ROBO1: variants seen among roughly 807,000 people sequenced by gnomAD.
ROBO1 encodes roundabout guidance receptor 1.
ROBO1 carries 149 observed loss-of-function variants against 195.9 expected under a neutral mutation model. That is an observed-to-expected ratio of 0.76 (90% CI 0.67 to 0.87). The LOEUF (loss-of-function observed/expected upper bound fraction) is 0.87, where lower values mean the gene tolerates loss of function less well. ROBO1 is among the 40% of genes least tolerant of loss of function. The pLI, the probability that ROBO1 is intolerant of heterozygous loss-of-function variation, is 0.00. For synonymous variants in ROBO1, 816 were observed against 733.2 expected, an observed-to-expected ratio of 1.11 and a Z score of -1.82; for missense variants, 1,933 against 2,068.3, an observed-to-expected ratio of 0.93 and a Z score of 1.27.
chr3:78,682,195 A>G (rs1289246472), intron 10 of ROBO1, among the ~76,000 whole-genome samples: 1 of 152,050 alleles, frequency 6.6e-6, no homozygotes, highest in Non-Finnish European at 1.5e-5. Context: ...CATTACTGCC[A>G]GTTCTGCTCA....
chr3:78,905,834 C>G (rs1336285400), intron 4 of ROBO1, among the ~76,000 whole-genome samples: 1 of 151,996 alleles, frequency 6.6e-6, no homozygotes, highest in Admixed American at 6.6e-5. Context: ...AGAGATGAAG[C>G]CTCAGTGAAG....
intron 1 of ROBO1, among the ~76,000 whole-genome samples, chr3:79,595,610 C>T (rs1370218901): frequency 6.6e-6 from 1 of 151,914 alleles, no homozygotes; most frequent in Non-Finnish European, 1.5e-5. Flanking sequence ...CAAACTATTG[C>T]AACCTTTAAC....
At chr3:79,676,668 T>C (rs1946793675) in intron 1 of ROBO1, among the ~76,000 whole-genome samples, 1 of 152,066 alleles carries the variant, frequency 6.6e-6, no homozygotes, top group Non-Finnish European at 1.5e-5. Context: ...AGAAAGTCTC[T>C]AGACAACAAG....
At chr3:79,283,290 T>C (rs1390623432) in intron 2 of ROBO1, among the ~76,000 whole-genome samples, 1 of 152,190 alleles carries the variant, frequency 6.6e-6, no homozygotes, top group Non-Finnish European at 1.5e-5. Context: ...ACCTGGGTGA[T>C]GGGATCAGTC....
At chr3:79,236,453 TA>T (rs1394824823) in intron 2 of ROBO1, among the ~76,000 whole-genome samples, 1 of 152,202 alleles carries the variant, frequency 6.6e-6, no homozygotes, top group Non-Finnish European at 1.5e-5. Context: ...CTCACTCTCA[TA>T]TATCATATAT....
chr3:79,153,673 A>T (rs993291787), intron 2 of ROBO1, among the ~76,000 whole-genome samples: 1 of 149,714 alleles, frequency 6.7e-6, no homozygotes, highest in African/African-American at 2.4e-5. Flanking sequence ...CGTCTGCTTA[A>T]TAGTACTGTG....
intron 4 of ROBO1, among the ~76,000 whole-genome samples, chr3:78,857,564 C>G (rs889634768): frequency 6.6e-6 from 1 of 152,106 alleles, no homozygotes. Flanking sequence ...GTGTTTTTCC[C>G]AGACCAGCAG....
chr3:79,023,762 G>A (rs886641568), intron 3 of ROBO1, among the ~76,000 whole-genome samples: 2 of 139,448 alleles, frequency 1.4e-5, no homozygotes, highest in Non-Finnish European at 3.0e-5. Context: ...GAGTGCAGTG[G>A]TGCGATCTCG....
intron 4 of ROBO1, among the ~76,000 whole-genome samples, chr3:78,898,314 C>T (rs568330434): frequency 4.7e-5 from 7 of 148,484 alleles, no homozygotes; most frequent in Non-Finnish European, 7.4e-5. Flanking sequence ...TACACAAGTC[C>T]TCTATGGACT....
intron 2 of ROBO1, among the ~76,000 whole-genome samples, chr3:79,265,862 G>A (rs112436699): frequency 2.1e-4 from 32 of 150,784 alleles, no homozygotes; most frequent in African/African-American, 7.5e-4. Flanking sequence ...ACTGTTATAC[G>A]ACCCAATGGT....
chr3:78,615,755 T>C (rs927678353), intron 27 of ROBO1, among the ~76,000 whole-genome samples: 2 of 152,188 alleles, frequency 1.3e-5, no homozygotes, highest in African/African-American at 4.8e-5. Flanking sequence ...AAGCCACATA[T>C]AGTGCAATCA....
chr3:79,553,514 T>C (rs1289181850), intron 2 of ROBO1, among the ~76,000 whole-genome samples: 2 of 152,062 alleles, frequency 1.3e-5, no homozygotes, highest in East Asian at 1.9e-4. Flanking sequence ...CTTCCAGGAA[T>C]ATGGAACACA....
intron 2 of ROBO1, among the ~76,000 whole-genome samples, chr3:79,503,680 A>G (rs1399628081): frequency 6.6e-6 from 1 of 152,200 alleles, no homozygotes; most frequent in Non-Finnish European, 1.5e-5. Context: ...AGCAACTCCC[A>G]AAGTCTGTTT....
At chr3:79,767,264 G>A (rs745844224) in intron 1 of ROBO1, among the ~76,000 whole-genome samples, 98 of 152,004 alleles carry the variant, frequency 6.4e-4, no homozygotes, top group Non-Finnish European at 1.2e-3. Flanking sequence ...TGCGGTCAGC[G>A]GCACTGAGAT....
chr3:78,838,222 A>G (rs1268124954), intron 4 of ROBO1, among the ~76,000 whole-genome samples: 1 of 152,200 alleles, frequency 6.6e-6, no homozygotes, highest in Non-Finnish European at 1.5e-5. Flanking sequence ...AATGGTCATT[A>G]TAAAAGAAAC....
intron 2 of ROBO1, among the ~76,000 whole-genome samples, chr3:79,357,959 T>C (rs1016858149): frequency 3.9e-5 from 6 of 152,138 alleles, no homozygotes; most frequent in African/African-American, 1.4e-4. Context: ...ACATACCAAC[T>C]TTTTAGTCTC....
chr3:79,397,769 G>A (rs1291833283), intron 2 of ROBO1, among the ~76,000 whole-genome samples: 1 of 152,076 alleles, frequency 6.6e-6, no homozygotes, highest in Non-Finnish European at 1.5e-5. Flanking sequence ...CCAAAGGCTC[G>A]CTAGTTAAAT....
At position 79,599,848 on chromosome 3, in the gene ROBO1, T is replaced by C. The variant is rs137868205; in HGVS notation, c.-50-9887A>G. On this transcript the variant is annotated intron_variant, in intron 1 of 30. Transcript: ENST00000464233. Reference sequence around the variant, plus strand: ...GAATTATTTAAATAATAAAGACATTTTAAAAAATGATCTAATGAAAAGTAA... The same window carrying C: ...GAATTATTTAAATAATAAAGACATTCTAAAAAATGATCTAATGAAAAGTAA... 2.0e-5 allele frequency among the ~76,000 whole-genome samples: 3 copies of C among 152,148 alleles called. No individual in the cohort carries two copies. In the East Asian group the frequency reaches 5.8e-4, roughly 29 times the overall value.
chr3:78,966,433 G>A (rs367822859), intron 3 of ROBO1, among the ~76,000 whole-genome samples: 2 of 152,166 alleles, frequency 1.3e-5, no homozygotes, highest in Admixed American at 6.5e-5. Context: ...GTCGACGAGA[G>A]AGGTCGGGAC....
Sources: gnomAD v4.1 joint callset for allele counts (sites outside exome capture counted in the v4.1 genomes callset) on GRCh38, gnomAD v4.1.1 for gene constraint, MANE v1.5 for transcripts, NCBI Gene and HGNC (gene_info 2026-07-23, HGNC 2026-07-21) for gene names.